Variants in SYT9 observed in about 807,000 individuals in gnomAD.
SYT9 encodes synaptotagmin-9.
Under a neutral mutation model 48.4 loss-of-function variants are expected in SYT9, and 22 were observed. The ratio of observed to expected loss-of-function variants is 0.45; its 90% CI spans 0.32 to 0.65. The LOEUF (loss-of-function observed/expected upper bound fraction) is 0.65, where lower values mean the gene tolerates loss of function less well. Ranked by LOEUF, SYT9 falls within the 30% of genes least tolerant of loss-of-function variation. The pLI, the probability that SYT9 is intolerant of heterozygous loss-of-function variation, is 0.03. For missense variants in SYT9, 577 were observed against 622.0 expected (o/e 0.93, Z 0.77); for synonymous variants, 265 against 245.0 (o/e 1.08, Z -0.76).
intron 3 of SYT9, among the ~76,000 whole-genome samples, chr11:7,328,784 T>C (rs1163950618): frequency 6.6e-6 from 1 of 152,212 alleles, no homozygotes; most frequent in Non-Finnish European, 1.5e-5. Context: ...GATCTGTTGA[T>C]GTTAGCCCTC....
intron 3 of SYT9, among the ~76,000 whole-genome samples, chr11:7,371,489 A>T (rs1477836165): frequency 6.9e-6 from 1 of 144,130 alleles, no homozygotes; most frequent in African/African-American, 2.4e-5. Flanking sequence ...TAAATCTCTT[A>T]TATATAGAAA....
intron 3 of SYT9, among the ~76,000 whole-genome samples, chr11:7,339,306 G>A (rs1849677796): frequency 1.3e-5 from 2 of 151,980 alleles, no homozygotes; most frequent in South Asian, 4.2e-4. Context: ...TTTTTATCCA[G>A]CGTGCCATTC....
intron 1 of SYT9, among the ~76,000 whole-genome samples, chr11:7,292,395 A>G (rs1848710285): frequency 6.6e-6 from 1 of 152,200 alleles, no homozygotes; most frequent in African/African-American, 2.4e-5. Context: ...TTTTATACAG[A>G]TGCAAGTGCA....
intron 1 of SYT9, among the ~76,000 whole-genome samples, chr11:7,240,206 C>T (rs1273930893): frequency 6.6e-6 from 1 of 152,106 alleles, no homozygotes; most frequent in African/African-American, 2.4e-5. Flanking sequence ...GTTGTCCAGC[C>T]TCCCGAGTCC....
In SYT9 at chr11:7,360,996, A is replaced by G. The variant is rs191471201; in HGVS notation, c.1044+47055A>G. 7.9e-5 allele frequency among the ~76,000 whole-genome samples: 12 copies of G among 152,268 alleles called. No homozygotes were observed. The East Asian group carries it at 1.9e-3, about 24-fold the overall frequency. On this transcript the variant is annotated intron_variant, in intron 3 of 6. Transcript: ENST00000318881. ...CAAATTTCTTGGCATAAAGTTGGTC[A>G]TAGTATTCTCTAACATTTCTAAAAG...
intron 1 of SYT9, among the ~76,000 whole-genome samples, chr11:7,289,789 A>G (rs2133917072): frequency 6.6e-6 from 1 of 152,366 alleles, no homozygotes; most frequent in South Asian, 2.1e-4. Context: ...TTTCTTGGTC[A>G]TATGGCATTG....
intron 1 of SYT9, among the ~76,000 whole-genome samples, chr11:7,243,074 A>G (rs1324762770): frequency 1.3e-5 from 2 of 152,066 alleles, no homozygotes; most frequent in African/African-American, 4.8e-5. Flanking sequence ...ATAAATATAA[A>G]GTATTACCAA....
At chr11:7,267,723 A>C (rs1322081968) in intron 1 of SYT9, among the ~76,000 whole-genome samples, 1 of 151,988 alleles carries the variant, frequency 6.6e-6, no homozygotes, top group African/African-American at 2.4e-5. Flanking sequence ...AGAGCAAAGC[A>C]TCAATAAAAC....
chr11:7,344,359 C>T (rs1207346716), intron 3 of SYT9, among the ~76,000 whole-genome samples: 1 of 151,858 alleles, frequency 6.6e-6, no homozygotes, highest in African/African-American at 2.4e-5. Context: ...GCTTTTTATT[C>T]TCTTAACACT....
intron 6 of SYT9, among the ~76,000 whole-genome samples, chr11:7,452,146 C>CACACACACACACAA (rs1236826215): frequency 1.3e-5 from 2 of 151,480 alleles, no homozygotes; most frequent in African/African-American, 4.9e-5. Context: ...CACACACACA[C>CACACACACACACAA]ACTGAGGAAA....
rs749072448 is a variant in SYT9, at chr11:7,303,091, C to T, written c.198C>T (p.Leu66=). 3 of 1,614,106 alleles carry T rather than the reference C, an allele frequency of 1.9e-6. No homozygotes were observed. The highest frequency in any genetic ancestry group is 3.3e-5 in the Admixed American group (2 of 60,014). ...TGGTCACTGCCTGTGGTCTCGCTCT[C>T]TTTGGCGTGTCTCTCTTCGTATCTT... The part of the protein sequence containing the change: ...TLVVTACGLA[L]FGVSLFVSWK... Residue 66 remains leucine, a synonymous_variant, in exon 2 of 7, where the codon CTC becomes CTT. Coordinates refer to ENST00000318881, the MANE Select transcript of SYT9 (RefSeq NM_175733.4).
chr11:7,291,080 G>A (rs986393072), intron 1 of SYT9, among the ~76,000 whole-genome samples: 1 of 152,198 alleles, frequency 6.6e-6, no homozygotes, highest in African/African-American at 2.4e-5. Context: ...TTAGCGGGAA[G>A]AAAGTTGGAG....
chr11:7,278,193 G>A (rs531322744), intron 1 of SYT9, among the ~76,000 whole-genome samples: 2 of 152,208 alleles, frequency 1.3e-5, no homozygotes, highest in African/African-American at 4.8e-5. Context: ...TAATGTGTTA[G>A]CTCAGGCCTC....
chr11:7,353,071 A>G (rs1318195743), intron 3 of SYT9, among the ~76,000 whole-genome samples: 2 of 152,154 alleles, frequency 1.3e-5, no homozygotes, highest in Non-Finnish European at 2.9e-5. Flanking sequence ...TGTGCCAGTT[A>G]CAAAGTTATT....
At chr11:7,447,642 C>A (rs7111622) in intron 6 of SYT9, among the ~76,000 whole-genome samples, 20,292 of 152,086 alleles carry the variant, frequency 0.13, 1,688 homozygotes, top group African/African-American at 0.2. Flanking sequence ...TCCCTGAGAA[C>A]AGATACTGTA....
chr11:7,429,431 A>T (rs1047295343), intron 6 of SYT9, among the ~76,000 whole-genome samples: 2 of 152,222 alleles, frequency 1.3e-5, no homozygotes, highest in African/African-American at 4.8e-5. Flanking sequence ...GGAGAAACCA[A>T]GCCCATAGAT....
intron 6 of SYT9, among the ~76,000 whole-genome samples, chr11:7,461,716 A>G (rs974095652): frequency 7.2e-5 from 11 of 152,248 alleles, no homozygotes; most frequent in African/African-American, 2.4e-4. Context: ...CCGGTGCTCA[A>G]TAAATGTTTG....
intron 3 of SYT9, among the ~76,000 whole-genome samples, chr11:7,404,840 A>G (rs1846969973): frequency 6.6e-6 from 1 of 152,208 alleles, no homozygotes; most frequent in Non-Finnish European, 1.5e-5. Context: ...AAGTGCACGG[A>G]TTAGACAAAA....
At chr11:7,410,143 C>CTGAA (rs1423526123) in intron 3 of SYT9, among the ~76,000 whole-genome samples, 1 of 152,114 alleles carries the variant, frequency 6.6e-6, no homozygotes, top group African/African-American at 2.4e-5. Context: ...TTCCATGTAT[C>CTGAA]TGTAGGTACC....
Sources: gnomAD v4.1 joint callset for allele counts (sites outside exome capture counted in the v4.1 genomes callset) on GRCh38, gnomAD v4.1.1 for gene constraint, MANE v1.5 for transcripts, NCBI Gene and HGNC (gene_info 2026-07-23, HGNC 2026-07-21) for gene names.